The following LPP variants were observed in gnomAD, a reference collection of about 807,000 sequenced individuals.
LPP encodes LIM domain containing preferred translocation partner in lipoma.
LPP carries 38 observed loss-of-function variants against 60.4 expected under a neutral mutation model. The observed-to-expected ratio is 0.63, with a 90% CI of 0.49 to 0.83. The LOEUF (loss-of-function observed/expected upper bound fraction) is 0.83, where lower values mean the gene tolerates loss of function less well. Among genes scored for constraint, LPP ranks in the 40% least tolerant of loss-of-function variants. The pLI, the probability that LPP is intolerant of heterozygous loss-of-function variation, is 0.00. For missense variants in LPP, 902 were observed against 783.6 expected, an observed-to-expected ratio of 1.15 and a Z score of -1.80; for synonymous variants, 328 against 290.8, an observed-to-expected ratio of 1.13 and a Z score of -1.30.
Position 188,866,283 on chromosome 3 carries a change from C to G in LPP, c.1494C>G (p.His498Gln), listed in dbSNP as rs146024725. The change falls in exon 10 of 12, where the codon CAC (histidine) becomes CAG (glutamine). Residue 498 changes from histidine (H) to glutamine (Q), a missense_variant. Physicochemically the swap from His to Gln is conservative, Grantham distance 24. Coordinates refer to ENST00000617246, the MANE Select transcript of LPP (RefSeq NM_001375462.1). ...CCACCGGGAAGGCCTATCATCCTCA[C>G]TGTTTCACCTGCGTGATGTGCCACC... ...LRATGKAYHPHCFTCVMCHRS... is the reference protein window; with the variant it reads ...LRATGKAYHPQCFTCVMCHRS... 3.1e-6 allele frequency: 5 copies of G among 1,593,842 alleles called. No homozygotes were observed. The African/African-American group carries it at 5.4e-5, about 17-fold the overall frequency.
chr3:188,560,634 T>C (rs894474128), intron 6 of LPP, among the ~76,000 whole-genome samples: 4 of 152,132 alleles, frequency 2.6e-5, no homozygotes, highest in Admixed American at 1.3e-4. Flanking sequence ...GATGCACTTA[T>C]GCTTTGATTT....
chr3:188,470,861 C>T (rs577432276), intron 4 of LPP, among the ~76,000 whole-genome samples: 1 of 152,248 alleles, frequency 6.6e-6, no homozygotes, highest in Non-Finnish European at 1.5e-5. Flanking sequence ...ATGTCCAGTG[C>T]TGCTGTCTGC....
Position 188,887,902 on chromosome 3 carries a change from A to G in LPP, c.*13423A>G, listed in dbSNP as rs977404740. The G allele has an allele frequency of 4.7e-6, 1 of 210,962 alleles. No homozygotes were observed. The highest frequency in any genetic ancestry group is 2.3e-5 in the African/African-American group (1 of 44,092). The allele number at this position is 210,962 out of a possible 1,614,324, so 13.1% of individuals were successfully genotyped here. On this transcript the variant is annotated 3_prime_UTR_variant, in exon 12 of 12. Coordinates refer to ENST00000617246, the MANE Select transcript of LPP (RefSeq NM_001375462.1). ...CCAAGACTCATTTCTTTATTAGGCA[A>G]AGTCAGAATATTTCCCCTCTGAAAA...
At position 188,572,451 on chromosome 3, in the gene LPP, T is replaced by C. The variant is rs1560580764; in HGVS notation, c.430-36710T>C. On this transcript the variant is annotated intron_variant, in intron 6 of 11. Transcript: ENST00000617246. The surrounding 1 kb of genome is among the most constrained non-coding windows in gnomAD (Gnocchi z 4.1). ...GGATTTGGGTAGAGGTTAATGTCGG[T>C]AGACACATTATTAGAGTTAAGGGTC... is the stretch of plus-strand genomic sequence containing the variant. Among the ~76,000 whole-genome samples the C allele has an allele frequency of 6.6e-6, 1 of 152,074 alleles. No individual in the cohort carries two copies. Among genetic ancestry groups the C allele is most frequent in the Non-Finnish European group, 1.5e-5 (1 of 68,004 alleles).
At chr3:188,273,847 C>T (rs985970240) in intron 2 of LPP, among the ~76,000 whole-genome samples, 8 of 151,966 alleles carry the variant, frequency 5.3e-5, no homozygotes, top group Non-Finnish European at 1.0e-4. Context: ...CCACCTGCCT[C>T]GGCCTCCCAA....
rs78865514 is a variant in LPP at position 188,854,412 on chromosome 3, G to A, written c.1411-11788G>A. Among the ~76,000 whole-genome samples, 926 of 152,266 alleles carry A rather than the reference G, an allele frequency of 6.1e-3. 17 individuals carry two copies. The highest frequency in any genetic ancestry group is 0.036 in the East Asian group (188 of 5,186). ...ATTCTCATGAATGGGTCCTAGAGCCGACATTTGACATACACATCAGCAGTG... is the reference window on the plus strand; with the variant it reads ...ATTCTCATGAATGGGTCCTAGAGCCAACATTTGACATACACATCAGCAGTG... On this transcript the variant is annotated intron_variant, in intron 9 of 11. Transcript: ENST00000617246.
intron 6 of LPP, among the ~76,000 whole-genome samples, chr3:188,605,795 G>A (rs187758711): frequency 6.6e-5 from 10 of 152,262 alleles, no homozygotes; most frequent in Admixed American, 2.0e-4. Context: ...CAGATAGATA[G>A]CTTTCTGGTA....
chr3:188,445,292 T>C (rs977081966), intron 4 of LPP, among the ~76,000 whole-genome samples: 7 of 152,178 alleles, frequency 4.6e-5, no homozygotes, highest in African/African-American at 1.7e-4. Context: ...ATATGCACCA[T>C]GGAATACTAT....
chr3:188,326,240 C>T (rs1031346174), intron 2 of LPP, among the ~76,000 whole-genome samples: 11 of 152,144 alleles, frequency 7.2e-5, no homozygotes, highest in African/African-American at 2.7e-4. Context: ...TGGTGATGTG[C>T]GTATGTGAAC....
rs779043572 is a variant in LPP at position 188,708,358 on chromosome 3, A to G, written c.1205A>G (p.Tyr402Cys). The change falls in exon 8 of 12, where the codon TAT (tyrosine) becomes TGT (cysteine). Residue 402 changes from tyrosine (Y) to cysteine (C), a missense_variant. Physicochemically the swap from Tyr to Cys is radical, Grantham distance 194. Transcript: ENST00000617246. ...GAGCACCTGACCAAAAAGATGCTGT[A>G]TGACATGGAAAATCCACCTGCTGAC... The part of the protein sequence containing the change: ...ELEHLTKKML[Y>C]DMENPPADEY... The G allele has an allele frequency of 2.5e-6, 4 of 1,614,206 alleles. No homozygotes were observed. The Admixed American group carries it at 6.7e-5, about 27-fold the overall frequency.
intron 7 of LPP, among the ~76,000 whole-genome samples, chr3:188,699,292 G>C (rs998514445): frequency 2.0e-5 from 3 of 152,134 alleles, no homozygotes; most frequent in African/African-American, 4.8e-5. Context: ...CTTTCCCCCA[G>C]CTCAGCCTAG....
chr3:188,524,758 A>T lies in LPP; in HGVS notation c.400A>T (p.Ser134Cys). The change falls in exon 6 of 12, where the codon AGC becomes TGC. Residue 134 changes from serine (S) to cysteine (C), a missense_variant. Transcript: ENST00000617246. ...LTSILADLEC[S>C]SPYKPRPPQS... ...CAGCATCTTGGCTGACCTTGAGTGC[A>T]GCTCCCCCTATAAGCCTCGGCCTCC... 6.2e-7 allele frequency: 1 copy of T among 1,614,054 alleles called. No individual in the cohort carries two copies.
intron 2 of LPP, among the ~76,000 whole-genome samples, chr3:188,233,335 A>G (rs1477793630): frequency 2.6e-5 from 4 of 152,312 alleles, no homozygotes; most frequent in African/African-American, 2.4e-5. Flanking sequence ...CCAGGGGTGA[A>G]TTCTACTCAG....
chr3:188,177,868 A>T (rs1723533764), intron 1 of LPP, among the ~76,000 whole-genome samples: 1 of 152,172 alleles, frequency 6.6e-6, no homozygotes, highest in Non-Finnish European at 1.5e-5. Context: ...CAGAACTTTG[A>T]CAGTTGCTGC....
chr3:188,614,699 A>G (rs1051834506), intron 7 of LPP, among the ~76,000 whole-genome samples: 1 of 152,172 alleles, frequency 6.6e-6, no homozygotes. Flanking sequence ...GATTGTTCCC[A>G]TGCTTTGACC....
At chr3:188,589,917 G>A (rs1297567696) in intron 6 of LPP, among the ~76,000 whole-genome samples, 1 of 152,158 alleles carries the variant, frequency 6.6e-6, no homozygotes, top group South Asian at 2.1e-4. Flanking sequence ...CAACAGTTTT[G>A]CCTGATTTTT....
chr3:188,827,355 C>T (rs1560261547), intron 9 of LPP, among the ~76,000 whole-genome samples: 1 of 152,094 alleles, frequency 6.6e-6, no homozygotes, highest in Non-Finnish European at 1.5e-5. Context: ...AGTTTTCCAC[C>T]CCACAGCACA....
At chr3:188,248,800 G>A (rs531658781) in intron 2 of LPP, among the ~76,000 whole-genome samples, 2 of 151,914 alleles carry the variant, frequency 1.3e-5, no homozygotes, top group East Asian at 1.9e-4. Flanking sequence ...GCACCAGTTC[G>A]TTTGGTAATT....
At chr3:188,799,300 T>A (rs999611206) in intron 9 of LPP, among the ~76,000 whole-genome samples, 3 of 152,240 alleles carry the variant, frequency 2.0e-5, no homozygotes, top group African/African-American at 7.2e-5. Context: ...TTATTGCTCT[T>A]TTAATACCTG....
Sources: allele counts gnomAD v4.1 joint callset (sites outside exome capture counted in the v4.1 genomes callset), GRCh38; gene constraint gnomAD v4.1.1; non-coding constraint Gnocchi (gnomAD v3.1); transcripts MANE v1.5; gene names NCBI Gene and HGNC (gene_info 2026-07-23, HGNC 2026-07-21).